The following XIRP2 variants were observed in gnomAD, a reference collection of about 807,000 sequenced individuals.
XIRP2 encodes the protein xin actin binding repeat containing 2, also known as xin actin-binding repeat-containing protein 2.
In XIRP2, 236 loss-of-function variants were observed where a neutral mutation model predicts 277.0. The observed-to-expected ratio is 0.85, with a 90% confidence interval of 0.77 to 0.95. XIRP2 has a LOEUF of 0.95. Among genes scored for constraint, XIRP2 ranks in the 40% least tolerant of loss-of-function variants. The pLI is 0.00. For synonymous variants in XIRP2, 1,490 were observed against 1,416.5 expected, an observed-to-expected ratio of 1.05 and a Z score of -1.17; for missense variants, 4,640 against 4,157.5, an observed-to-expected ratio of 1.12 and a Z score of -3.19.
chr2:166,904,468 T>A (rs1358224857), intron 2 of XIRP2, among the ~76,000 whole-genome samples: 1 of 152,174 alleles, frequency 6.6e-6, no homozygotes, highest in Non-Finnish European at 1.5e-5. Context: ...GAGTCTGGAA[T>A]ATTTTGTGGT....
intron 2 of XIRP2, among the ~76,000 whole-genome samples, chr2:166,914,948 C>A (rs1367268569): frequency 6.6e-6 from 1 of 151,892 alleles, no homozygotes; most frequent in East Asian, 1.9e-4. Context: ...ACATAGTCAC[C>A]TTAAAGATTG....
chr2:167,046,709 C>T (rs772541247), intron 2 of XIRP2, among the ~76,000 whole-genome samples: 5 of 151,858 alleles, frequency 3.3e-5, no homozygotes, highest in Non-Finnish European at 7.4e-5. Flanking sequence ...CATTTCAAAG[C>T]GGCAGCTGAA....
rs185850966 is a variant in XIRP2, at chr2:167,098,316, C to T, written c.409-37593C>T. ...TAAGTTGATCTTCAATCTCTGATAT[C>T]GTTTCCTCCACTTGATCAATTCAGC... On this transcript the variant is annotated intron_variant, in intron 2 of 10. Coordinates refer to ENST00000409195, the MANE Select transcript of XIRP2 (RefSeq NM_152381.6). 3.1e-3 allele frequency among the ~76,000 whole-genome samples: 467 copies of T among 152,282 alleles called. 1 individual carries two copies. The highest frequency in any genetic ancestry group is 0.01 in the African/African-American group (432 of 41,548).
intron 2 of XIRP2, among the ~76,000 whole-genome samples, chr2:166,941,914 C>T (rs886127107): frequency 2.0e-5 from 3 of 152,178 alleles, no homozygotes; most frequent in Non-Finnish European, 4.4e-5. Context: ...CACAAGCTAA[C>T]TGATAAAGTT....
chr2:167,044,422 G>C (rs1175271614), intron 2 of XIRP2, among the ~76,000 whole-genome samples: 1 of 152,020 alleles, frequency 6.6e-6, no homozygotes, highest in African/African-American at 2.4e-5. Flanking sequence ...GTCCTCACTA[G>C]AGCAATCAGG....
At chr2:167,118,338 C>T (rs1317389182) in intron 2 of XIRP2, among the ~76,000 whole-genome samples, 1 of 151,806 alleles carries the variant, frequency 6.6e-6, no homozygotes, top group Non-Finnish European at 1.5e-5. Flanking sequence ...AAAAATTAGC[C>T]AGGCGTGGTG....
chr2:167,080,971 G>A (rs912842233), intron 2 of XIRP2, among the ~76,000 whole-genome samples: 2 of 152,018 alleles, frequency 1.3e-5, no homozygotes, highest in African/African-American at 4.8e-5. Flanking sequence ...AGTATACAAT[G>A]TTCCATATAA....
chr2:166,995,499 G>T (rs1574144058), intron 2 of XIRP2, among the ~76,000 whole-genome samples: 1 of 152,214 alleles, frequency 6.6e-6, no homozygotes, highest in Non-Finnish European at 1.5e-5. Flanking sequence ...ACCTTTTTCT[G>T]CAAAATTTGT....
intron 3 of XIRP2, chr2:167,184,733 T>C: frequency 1.5e-6 from 1 of 656,446 alleles, no homozygotes; most frequent in Non-Finnish European, 2.8e-6. Context: ...CTGCAATTGA[T>C]GTCACTTTCT....
At chr2:167,166,747 A>G (rs1692531945) in intron 3 of XIRP2, among the ~76,000 whole-genome samples, 2 of 152,156 alleles carry the variant, frequency 1.3e-5, no homozygotes, top group South Asian at 4.1e-4. Context: ...TCACTAAGCC[A>G]TTCATGAGGG....
At chr2:167,041,484 A>G (rs1250668876) in intron 2 of XIRP2, among the ~76,000 whole-genome samples, 1 of 152,200 alleles carries the variant, frequency 6.6e-6, no homozygotes, top group African/African-American at 2.4e-5. Flanking sequence ...AAGTGAACTG[A>G]CCTTCTAGAG....
chr2:167,152,887 T>G (rs1692057272), intron 3 of XIRP2, among the ~76,000 whole-genome samples: 1 of 152,168 alleles, frequency 6.6e-6, no homozygotes, highest in Non-Finnish European at 1.5e-5. Context: ...TGGGTGGTTC[T>G]GTACCACAGG....
rs199573494 is a variant in XIRP2, at chr2:167,244,489, A to T, written c.3097A>T (p.Ile1033Phe). The T allele has an allele frequency of 2.0e-4, 319 of 1,613,668 alleles. 1 individual carries two copies. The highest frequency in any genetic ancestry group is 2.6e-4 in the Non-Finnish European group (303 of 1,179,836). ...TRPIDQFDES[I>F]HKFQIIRGIS... ...GCCCATTGACCAGTTTGATGAAAGC[A>T]TTCATAAATTTCAAATAATTAGAGG... Residue 1033 changes from isoleucine (I) to phenylalanine (F), a missense_variant, in exon 9 of 11, where the codon ATT becomes TTT. Ile to Phe is a conservative substitution (Grantham distance 21). Transcript: ENST00000409195.
In XIRP2 at chr2:167,241,803, A is replaced by G; in HGVS notation, c.1069A>G (p.Ile357Val). ...TVIDTPEDEE[I>V]PKVSTKLLKE... is the part of the protein sequence containing the mutation. ...CATTGATACACCTGAGGATGAAGAG[A>G]TTCCAAAGGTTTCGACTAAGTTGTT... Residue 357 changes from isoleucine to valine, a missense_variant, in exon 8 of 11, where the codon ATT becomes GTT. By Grantham distance (29) the Ile-to-Val change is conservative. Transcript: ENST00000409195. 1.2e-6 allele frequency: 2 copies of G among 1,613,260 alleles called. No individual in the cohort carries two copies. The highest frequency in any genetic ancestry group is 8.5e-7 in the Non-Finnish European group (1 of 1,179,622).
chr2:167,151,468 A>T (rs576619794), intron 3 of XIRP2, among the ~76,000 whole-genome samples: 1 of 152,228 alleles, frequency 6.6e-6, no homozygotes, highest in South Asian at 2.1e-4. Context: ...AAACACAAAA[A>T]ATAAAGATGA....
At chr2:167,153,580 C>T (rs1201260965) in intron 3 of XIRP2, among the ~76,000 whole-genome samples, 1 of 151,812 alleles carries the variant, frequency 6.6e-6, no homozygotes, top group Non-Finnish European at 1.5e-5. Context: ...CACAACAGTC[C>T]CCAGAGTGGG....
chr2:167,242,722 A>G lies in XIRP2; in HGVS notation c.1330A>G (p.Thr444Ala). The stretch of plus-strand genomic sequence containing the variant: ...CTCAACTCTGGCACAAATTAATGCT[A>G]CTTCTTCAGGAATGACAGAAGAATT... Reference protein sequence around the residue: ...TSSTLAQINATSSGMTEEFPP... With the variant: ...TSSTLAQINAASSGMTEEFPP... The change falls in exon 9 of 11, where the codon ACT becomes GCT. Residue 444 changes from threonine (T) to alanine (A), a missense_variant. Transcript: ENST00000409195. 1 of 1,614,084 alleles carries G rather than the reference A, an allele frequency of 6.2e-7. No individual in the cohort carries two copies. The highest frequency in any genetic ancestry group is 8.5e-7 in the Non-Finnish European group (1 of 1,179,980).
chr2:167,067,357 G>A (rs1486700204), intron 2 of XIRP2, among the ~76,000 whole-genome samples: 1 of 151,940 alleles, frequency 6.6e-6, no homozygotes, highest in East Asian at 1.9e-4. Context: ...GTCATATGTT[G>A]TAGTTTTATC....
chr2:167,178,523 A>G (rs1692918966), intron 3 of XIRP2, among the ~76,000 whole-genome samples: 1 of 152,054 alleles, frequency 6.6e-6, no homozygotes, highest in Non-Finnish European at 1.5e-5. Flanking sequence ...CGGGATGGTT[A>G]TTTTTATTCC....
Sources: allele counts gnomAD v4.1 joint callset (sites outside exome capture counted in the v4.1 genomes callset), GRCh38; gene constraint gnomAD v4.1.1; transcripts MANE v1.5; gene names NCBI Gene and HGNC (gene_info 2026-07-23, HGNC 2026-07-21).